The following CHD1L variants were observed in gnomAD, a reference collection of about 807,000 sequenced individuals.
CHD1L encodes chromodomain helicase DNA binding protein 1 like, also known as ATP-dependent chromatin remodeler CHD1L.
CHD1L carries 118 observed loss-of-function variants against 115.9 expected under a neutral mutation model. The observed-to-expected ratio is 1.02, with a 90% CI of 0.88 to 1.19. The LOEUF (loss-of-function observed/expected upper bound fraction) is 1.19, where lower values mean the gene tolerates loss of function less well. Among genes scored for constraint, CHD1L ranks in the 50% most tolerant of loss-of-function variants. CHD1L has a pLI of 0.00. For synonymous variants in CHD1L, 411 were observed against 387.1 expected (o/e 1.06, Z -0.72); for missense variants, 1,179 against 1,065.3 (o/e 1.11, Z -1.49).
chr1:147,229,716 G>A, the CHD1L span, among the ~76,000 whole-genome samples: 1 of 152,046 alleles, frequency 6.6e-6, no homozygotes, highest in African/African-American at 2.4e-5. Context: ...CCTTGAGGAG[G>A]TACTTCACAT....
the CHD1L span, among the ~76,000 whole-genome samples, chr1:147,203,111 T>C: frequency 1.3e-4 from 3 of 23,266 alleles, no homozygotes; most frequent in East Asian, 7.1e-3. Flanking sequence ...GACCAAAGGT[T>C]TCCTTTTTTT....
chr1:147,254,581 CCTGA>C (rs1669461207), intron 2 of CHD1L, among the ~76,000 whole-genome samples: 1 of 152,148 alleles, frequency 6.6e-6, no homozygotes, highest in Non-Finnish European at 1.5e-5. Flanking sequence ...TATTGTCTTT[CCTGA>C]CTTTTTCTTT....
the CHD1L span, chr1:147,174,319 G>A: frequency 3.3e-5 from 5 of 152,180 alleles, no homozygotes; most frequent in Admixed American, 3.3e-4. Context: ...GGCCCTTGAA[G>A]ATACATAATA....
intron 15 of CHD1L, among the ~76,000 whole-genome samples, chr1:147,280,743 TTTCTA>T (rs145890424): frequency 0.015 from 2,235 of 152,304 alleles, 25 homozygotes; most frequent in Non-Finnish European, 0.023. Flanking sequence ...ATTTTGTTCT[TTTCTA>T]TTCTGAGCAC....
chr1:147,293,695 A>G lies in CHD1L; in HGVS notation c.2479A>G (p.Ile827Val), dbSNP rs148434783. 3.9e-3 allele frequency: 6,268 copies of G among 1,614,058 alleles called. 15 individuals are homozygous for G. Among genetic ancestry groups the G allele is most frequent in the Non-Finnish European group, 4.9e-3 (5,789 of 1,179,930 alleles). Residue 827 changes from isoleucine to valine, a missense_variant, in exon 21 of 23, where the codon ATA becomes GTA. Transcript: ENST00000369258. ...MAALEEGLKK[I>V]FLAAKKKKAS... Reference sequence around the variant, plus strand: ...AGCCCTAGAAGAGGGCCTGAAGAAGATATTTTTAGCAGCAAAAAAGAAGAA... The same window carrying G: ...AGCCCTAGAAGAGGGCCTGAAGAAGGTATTTTTAGCAGCAAAAAAGAAGAA...
intron 7 of CHD1L, 30 bp from the exon 8 acceptor site, chr1:147,265,902 A>G: frequency 5.0e-6 from 8 of 1,589,976 alleles, no homozygotes; most frequent in Non-Finnish European, 6.0e-6. Context: ...CTTTTGTCCC[A>G]CACTTCTTGT....
chr1:147,175,574 T>A, the CHD1L span: 1 of 151,894 alleles, frequency 6.6e-6, no homozygotes, highest in East Asian at 1.9e-4. Context: ...TCACACACAC[T>A]CACTGTCTCT....
At chr1:147,204,248 C>T in the CHD1L span, 66 of 1,140,412 alleles carry the variant, frequency 5.8e-5, 1 homozygote, top group South Asian at 6.9e-4. Flanking sequence ...TGTACATCAC[C>T]TTCTGTTTCC....
chr1:147,246,324 T>A (rs1553933844), intron 1 of CHD1L, among the ~76,000 whole-genome samples: 1 of 152,256 alleles, frequency 6.6e-6, no homozygotes, highest in Non-Finnish European at 1.5e-5. Flanking sequence ...TTGTTCATAG[T>A]TTGTGGCTAT....
chr1:147,249,168 T>C (rs1553935121), intron 1 of CHD1L, among the ~76,000 whole-genome samples: 1 of 152,162 alleles, frequency 6.6e-6, no homozygotes, highest in East Asian at 1.9e-4. Flanking sequence ...TCTTCATTCC[T>C]GAATACCATT....
the CHD1L span, chr1:147,203,272 T>C: frequency 6.4e-7 from 1 of 1,557,872 alleles, no homozygotes; most frequent in Non-Finnish European, 8.8e-7. Context: ...ATTAAGCCAA[T>C]TTCAATCATT....
chr1:147,283,510 C>T (rs888365587), intron 15 of CHD1L, among the ~76,000 whole-genome samples: 11 of 152,148 alleles, frequency 7.2e-5, no homozygotes, highest in Non-Finnish European at 1.2e-4. Flanking sequence ...GATCACTCAA[C>T]CTCATTGAGC....
At chr1:147,242,251 T>G (rs1435005906), upstream of CHD1L, among the ~76,000 whole-genome samples, 5 of 152,188 alleles carry the variant, frequency 3.3e-5, no homozygotes, top group African/African-American at 1.2e-4. Flanking sequence ...TAAATCAATT[T>G]ATCACTAGGT....
In CHD1L at chr1:147,286,635, G is replaced by A. The variant is rs1170935154; in HGVS notation, c.2221+135G>A. ...CAGTCAAAAAAGTGTGAATTTTAGA[G>A]TCAGGAGATATTCCAGAATCATTTC... On this transcript the variant is annotated intron_variant, in intron 18 of 22. Transcript: ENST00000369258. 6 of 754,850 alleles carry A rather than the reference G, an allele frequency of 7.9e-6. No individual in the cohort carries two copies. The African/African-American group carries it at 8.8e-5, about 11-fold the overall frequency. The allele number at this position is 754,850 out of a possible 1,614,324, so 46.8% of individuals were successfully genotyped here.
the CHD1L span, chr1:147,178,250 G>A: frequency 4.3e-6 from 7 of 1,613,576 alleles, no homozygotes; most frequent in Non-Finnish European, 5.9e-6. Context: ...GGCTCTGCGG[G>A]CCTCATGCTC....
the CHD1L span, among the ~76,000 whole-genome samples, chr1:147,196,186 G>A: frequency 6.6e-6 from 1 of 152,004 alleles, no homozygotes; most frequent in East Asian, 1.9e-4. Context: ...AACTATCCTG[G>A]TGTATCCCTC....
intron 15 of CHD1L, among the ~76,000 whole-genome samples, chr1:147,282,330 A>G (rs1553962453): frequency 6.6e-6 from 1 of 152,136 alleles, no homozygotes; most frequent in Non-Finnish European, 1.5e-5. Flanking sequence ...TGAAACTGAA[A>G]AGGCGGGGTG....
intron 2 of CHD1L, 96 bp downstream of exon 2, chr1:147,252,831 A>C (rs1571665576): frequency 3.0e-6 from 3 of 1,005,828 alleles, no homozygotes; most frequent in Non-Finnish European, 4.5e-6. Flanking sequence ...AACAAAGCTC[A>C]GTTTCACAAA....
intron 13 of CHD1L, among the ~76,000 whole-genome samples, 191 bp from the exon 14 acceptor site, chr1:147,275,913 G>A (rs1055459147): frequency 6.6e-6 from 1 of 152,098 alleles, no homozygotes; most frequent in Non-Finnish European, 1.5e-5. Context: ...TGACTGTCTG[G>A]AATGGTTCAG....
Sources: gnomAD v4.1 joint callset for allele counts (sites outside exome capture counted in the v4.1 genomes callset) on GRCh38, gnomAD v4.1.1 for gene constraint, MANE v1.5 for transcripts, NCBI Gene and HGNC (gene_info 2026-07-23, HGNC 2026-07-21) for gene names.